The following NMUR2 variants were observed in gnomAD, a reference collection of about 807,000 sequenced individuals.
NMUR2 encodes the protein neuromedin-U receptor 2.
A neutral mutation model predicts 25.1 loss-of-function variants in NMUR2; 24 were observed. That is an observed-to-expected ratio of 0.96 (90% CI 0.69 to 1.34). The LOEUF is 1.34. Ranked by LOEUF, NMUR2 falls within the 40% of genes most tolerant of loss-of-function variation. NMUR2 has a pLI of 0.00. For missense variants in NMUR2, 533 were observed against 512.8 expected, an observed-to-expected ratio of 1.04 and a Z score of -0.38; for synonymous variants, 218 against 208.1, an observed-to-expected ratio of 1.05 and a Z score of -0.41.
At chr5:152,401,934 A>T (rs2113102262) in intron 1 of NMUR2, among the ~76,000 whole-genome samples, 1 of 152,272 alleles carries the variant, frequency 6.6e-6, no homozygotes, top group Non-Finnish European at 1.5e-5. Flanking sequence ...TCACTCACTT[A>T]ATCATTAGGA....
intron 1 of NMUR2, among the ~76,000 whole-genome samples, chr5:152,403,007 G>A (rs1753284478): frequency 6.6e-6 from 1 of 152,226 alleles, no homozygotes. Flanking sequence ...CGGCTTCTCA[G>A]AGATGGACTG....
intron 3 of NMUR2, among the ~76,000 whole-genome samples, chr5:152,393,660 C>T (rs1446024982): frequency 1.3e-5 from 2 of 152,030 alleles, no homozygotes; most frequent in African/African-American, 4.8e-5. Flanking sequence ...TACAACAATA[C>T]CAAGCAGTAT....
In NMUR2 at chr5:152,405,131, G is replaced by T; in HGVS notation, c.-18C>A. On this transcript the variant is annotated 5_prime_UTR_variant, in exon 1 of 4. Coordinates refer to ENST00000255262, the MANE Select transcript of NMUR2 (RefSeq NM_020167.5). ...CCTGACATTAAAATCCAAGGCCTGA[G>T]CCTCCCCTGGTACGAGGCTCTGTTT... 1 of 1,581,490 alleles carries T rather than the reference G, an allele frequency of 6.3e-7. No individual in the cohort carries two copies. Among genetic ancestry groups the T allele is most frequent in the Non-Finnish European group, 8.6e-7 (1 of 1,163,142 alleles).
intron 1 of NMUR2, among the ~76,000 whole-genome samples, chr5:152,402,420 C>G (rs1032587695): frequency 6.6e-5 from 10 of 152,122 alleles, no homozygotes; most frequent in African/African-American, 2.4e-4. Flanking sequence ...CTGGTGTCCT[C>G]TGGTACCCTG....
At chr5:152,396,668 A>G (rs1561697102) in intron 2 of NMUR2, among the ~76,000 whole-genome samples, 1 of 152,028 alleles carries the variant, frequency 6.6e-6, no homozygotes, top group Non-Finnish European at 1.5e-5. Flanking sequence ...TTGGGTGGCC[A>G]AGGGGTGGAT....
rs753500462 is a variant in NMUR2 at position 152,404,812 on chromosome 5, A to AG, written c.301dup (p.Leu101ProfsTer5). 3.7e-6 allele frequency: 6 copies of AG among 1,614,118 alleles called. No individual in the cohort carries two copies. The highest frequency in any genetic ancestry group is 4.2e-6 in the Non-Finnish European group (5 of 1,180,026). ...GTTGCGCCACATCTCATAGACCTCC[A>AG]GGGGCATTCCAAGGAGCAGGACCAG... is the stretch of plus-strand genomic sequence containing the variant. On this transcript the variant is annotated frameshift_variant, in exon 1 of 4. Transcript: ENST00000255262. LOFTEE classifies it high-confidence loss of function.
intron 2 of NMUR2, among the ~76,000 whole-genome samples, chr5:152,396,885 T>A (rs1012669584): frequency 6.6e-6 from 1 of 151,860 alleles, no homozygotes; most frequent in Non-Finnish European, 1.5e-5. Flanking sequence ...CAAGACTCCA[T>A]CTCAAAAACA....
At chr5:152,395,384 G>T in intron 3 of NMUR2, 75 bp downstream of exon 3, 4 of 1,518,850 alleles carry the variant, frequency 2.6e-6, no homozygotes, top group Non-Finnish European at 1.8e-6. Flanking sequence ...GAGTACTTAG[G>T]CATCTAAGCA....
At position 152,395,534 on chromosome 5, in the gene NMUR2, G is replaced by C. The variant is rs751944704; in HGVS notation, c.862C>G (p.Arg288Gly). 4 of 1,613,368 alleles carry C rather than the reference G, an allele frequency of 2.5e-6. No individual in the cohort carries two copies. The highest frequency in any genetic ancestry group is 1.3e-5 in the African/African-American group (1 of 74,774). Residue 288 changes from arginine to glycine, a missense_variant, in exon 3 of 4, where the codon CGA (arginine) becomes GGA (glycine). Physicochemically the swap from Arg to Gly is moderately radical, Grantham distance 125. Coordinates refer to ENST00000255262, the MANE Select transcript of NMUR2 (RefSeq NM_020167.5). ...TCCTCCACAAAGCTGAAGAAGAGTC[G>C]GTCAATGTGGAACGGGGCCCAACAG... ...AICWAPFHID[R>G]LFFSFVEEWS...
At position 152,395,552 on chromosome 5, in the gene NMUR2, C is replaced by T. The variant is rs1209546749; in HGVS notation, c.844G>A (p.Ala282Thr). ...AAGAGTCGGTCAATGTGGAACGGGG[C>T]CCAACAGATAGCAAACACTAAGACC... ...VLVLVFAICW[A>T]PFHIDRLFFS... Residue 282 changes from alanine (A) to threonine (T), a missense_variant, in exon 3 of 4, where the codon GCC becomes ACC. Physicochemically the swap from Ala to Thr is moderately conservative, Grantham distance 58. Coordinates refer to ENST00000255262, the MANE Select transcript of NMUR2 (RefSeq NM_020167.5). 6.2e-7 allele frequency: 1 copy of T among 1,613,312 alleles called. No individual in the cohort carries two copies. The highest frequency in any genetic ancestry group is 2.2e-5 in the East Asian group (1 of 44,850).
At chr5:152,399,830 C>G (rs1368778356) in intron 1 of NMUR2, among the ~76,000 whole-genome samples, 1 of 151,926 alleles carries the variant, frequency 6.6e-6, no homozygotes, top group African/African-American at 2.4e-5. Flanking sequence ...TCAGGTGGAA[C>G]GAAAATTTAA....
Position 152,404,814 on chromosome 5 carries a change from G to T in NMUR2, c.300C>A (p.Pro100=). The T allele has an allele frequency of 6.2e-7, 1 of 1,614,044 alleles. No individual in the cohort carries two copies. The highest frequency in any genetic ancestry group is 1.1e-5 in the South Asian group (1 of 91,062). Residue 100 remains proline, a synonymous_variant, in exon 1 of 4, where the codon CCC becomes CCA. Coordinates refer to ENST00000255262, the MANE Select transcript of NMUR2 (RefSeq NM_020167.5). ...TGCGCCACATCTCATAGACCTCCAG[G>T]GGCATTCCAAGGAGCAGGACCAGGA... ...SDLLVLLLGM[P]LEVYEMWRNY...
intron 2 of NMUR2, among the ~76,000 whole-genome samples, chr5:152,395,876 C>A (rs1013642613): frequency 6.6e-6 from 1 of 151,688 alleles, no homozygotes; most frequent in Non-Finnish European, 1.5e-5. Context: ...TTTCAAAGTC[C>A]TGAAAACATC....
chr5:152,402,437 AGCTCATCCTTCCTGAAAACAG>A (rs1753273465), intron 1 of NMUR2, among the ~76,000 whole-genome samples: 1 of 152,192 alleles, frequency 6.6e-6, no homozygotes, highest in South Asian at 2.1e-4. Context: ...CCTGGATAAC[AGCTCATCCTTCCTGAAAACAG>A]GCTGTCAAAA....
intron 2 of NMUR2, among the ~76,000 whole-genome samples, chr5:152,396,355 G>A (rs1220016136): frequency 2.0e-5 from 3 of 152,036 alleles, no homozygotes; most frequent in Admixed American, 2.0e-4. Flanking sequence ...TTAGCTATGA[G>A]GTAATACTTT....
intron 2 of NMUR2, among the ~76,000 whole-genome samples, chr5:152,397,560 G>A (rs1047506621): frequency 4.0e-5 from 6 of 151,212 alleles, no homozygotes; most frequent in Admixed American, 2.0e-4. Context: ...CTCCTGAGAT[G>A]GATTGTAAAA....
rs749512728 is a variant in NMUR2 at position 152,404,661 on chromosome 5, C to T, written c.453G>A (p.Pro151=). 3 of 1,613,854 alleles carry T rather than the reference C, an allele frequency of 1.9e-6. No homozygotes were observed. The highest frequency in any genetic ancestry group is 1.1e-5 in the South Asian group (1 of 91,070). The change falls in exon 1 of 4, where the codon CCG becomes CCA. Residue 151 remains proline, a synonymous_variant. Coordinates refer to ENST00000255262, the MANE Select transcript of NMUR2 (RefSeq NM_020167.5). ...GGGTGCTCTGCAGTTTGGCGCGGAA[C>T]GGGTGTAGGATGGCCACGTAGCGCT... is the stretch of plus-strand genomic sequence containing the variant. ...SVERYVAILH[P]FRAKLQSTRR...
Position 152,392,233 on chromosome 5 carries a change from C to T in NMUR2, c.1206G>A (p.Met402Ile). Residue 402 changes from methionine (M) to isoleucine (I), a missense_variant, in exon 4 of 4, where the codon ATG becomes ATA. Physicochemically the swap from Met to Ile is conservative, Grantham distance 10. Coordinates refer to ENST00000255262, the MANE Select transcript of NMUR2 (RefSeq NM_020167.5). ...GGAAGCTTTGATAGTTTGTTCTTGA[C>T]ATCTGTTCACTAGAGAGGGCTGCTG... The part of the protein sequence containing the change: ...HLPAALSSEQ[M>I]SRTNYQSFHF... 1 of 1,613,712 alleles carries T rather than the reference C, an allele frequency of 6.2e-7. No homozygotes were observed. Among genetic ancestry groups the T allele is most frequent in the Non-Finnish European group, 8.5e-7 (1 of 1,179,764 alleles).
chr5:152,394,926 A>G (rs528171791), intron 3 of NMUR2, among the ~76,000 whole-genome samples: 2 of 150,288 alleles, frequency 1.3e-5, no homozygotes, highest in African/African-American at 4.9e-5. Flanking sequence ...ATCACTCAGA[A>G]TAGCAATGGT....
Sources: gnomAD v4.1 joint callset for allele counts (sites outside exome capture counted in the v4.1 genomes callset) on GRCh38, gnomAD v4.1.1 for gene constraint, MANE v1.5 for transcripts, NCBI Gene and HGNC (gene_info 2026-07-23, HGNC 2026-07-21) for gene names.